The following SCUBE1 variants were observed in gnomAD, a reference collection of about 807,000 sequenced individuals.
SCUBE1 encodes the protein signal peptide, CUB and EGF-like domain-containing protein 1.
SCUBE1 carries 59 observed loss-of-function variants against 124.4 expected under a neutral mutation model. The ratio of observed to expected loss-of-function variants is 0.47; its 90% confidence interval spans 0.38 to 0.59. The LOEUF (loss-of-function observed/expected upper bound fraction) is 0.59, where lower values mean the gene tolerates loss of function less well. Ranked by LOEUF, SCUBE1 falls within the 20% of genes least tolerant of loss-of-function variation. The pLI is 0.00. For missense variants in SCUBE1, 1,150 were observed against 1,371.2 expected, an observed-to-expected ratio of 0.84 and a Z score of 2.55; for synonymous variants, 545 against 550.9, an observed-to-expected ratio of 0.99 and a Z score of 0.15.
chr22:43,339,839 A>G (rs58878727), intron 1 of SCUBE1, among the ~76,000 whole-genome samples: 5,925 of 12,858 alleles, frequency 0.46, 1,011 homozygotes, highest in Non-Finnish European at 0.49. Context: ...CACAAGCATC[A>G]CTCCAGCCCT....
chr22:43,212,999 C>T (rs114329790), intron 16 of SCUBE1, among the ~76,000 whole-genome samples: 2,648 of 152,204 alleles, frequency 0.017, 90 homozygotes, highest in African/African-American at 0.061. Flanking sequence ...TTCAGGGTGA[C>T]GCTGCCTGGT....
chr22:43,301,199 G>A (rs1338124773), intron 3 of SCUBE1, among the ~76,000 whole-genome samples: 1 of 152,154 alleles, frequency 6.6e-6, no homozygotes, highest in African/African-American at 2.4e-5. Context: ...CTCCAGGGCT[G>A]CCACGGCTGG....
chr22:43,278,553 C>G (rs553090155), intron 4 of SCUBE1, among the ~76,000 whole-genome samples: 1 of 152,324 alleles, frequency 6.6e-6, no homozygotes, highest in Admixed American at 6.5e-5. Context: ...AATCCCGTCC[C>G]AGGAGCCAAT....
intron 21 of SCUBE1, among the ~76,000 whole-genome samples, chr22:43,207,198 T>C (rs896575332): frequency 1.3e-5 from 2 of 152,182 alleles, no homozygotes; most frequent in African/African-American, 2.4e-5. Context: ...TAGATCCCAC[T>C]GATTCTGAGA....
At chr22:43,267,805 T>C (rs1924133032) in intron 4 of SCUBE1, among the ~76,000 whole-genome samples, 1 of 152,210 alleles carries the variant, frequency 6.6e-6, no homozygotes. Flanking sequence ...AGGGGCCATC[T>C]GAGGGCAGTG....
intron 7 of SCUBE1, among the ~76,000 whole-genome samples, chr22:43,235,219 T>C (rs532960768): frequency 1.4e-4 from 21 of 152,312 alleles, no homozygotes; most frequent in African/African-American, 3.8e-4. Context: ...CTTGGGCCAC[T>C]GAGTGGACTC....
rs573651614 is a variant in SCUBE1, at chr22:43,303,110, T to G, written c.350-11930A>C. ...CCCAGCATCCATTTCCCAGCCTCGG[T>G]ACCGTCGGAATTCTAACCTTCAGGG... On this transcript the variant is annotated intron_variant, in intron 3 of 21. Coordinates refer to ENST00000360835, the MANE Select transcript of SCUBE1 (RefSeq NM_173050.5). Among the ~76,000 whole-genome samples, 3 of 152,364 alleles carry G rather than the reference T, an allele frequency of 2.0e-5. No homozygotes were observed. The East Asian group carries it at 5.8e-4, about 29-fold the overall frequency.
chr22:43,290,968 T>G, intron 4 of SCUBE1, 78 bp downstream of exon 4: 2 of 1,441,822 alleles, frequency 1.4e-6, no homozygotes, highest in Middle Eastern at 2.5e-4. Context: ...GGCCCCAGAA[T>G]TGAGATGTGG....
At chr22:43,291,618 C>T (rs1034455227) in intron 3 of SCUBE1, among the ~76,000 whole-genome samples, 1 of 151,652 alleles carries the variant, frequency 6.6e-6, no homozygotes, top group African/African-American at 2.4e-5. Context: ...CGCTGCGCTA[C>T]AGTGGCATGG....
intron 6 of SCUBE1, among the ~76,000 whole-genome samples, chr22:43,257,593 C>T (rs925579480): frequency 2.6e-5 from 4 of 152,122 alleles, no homozygotes; most frequent in South Asian, 2.1e-4. Context: ...GCGGGAAGAG[C>T]GGACTTCAGG....
intron 6 of SCUBE1, among the ~76,000 whole-genome samples, chr22:43,249,088 T>C (rs73163970): frequency 0.11 from 16,482 of 151,768 alleles, 992 homozygotes; most frequent in South Asian, 0.17. Context: ...CTTTGTCAGG[T>C]AGAACCACCC....
Position 43,217,284 on chromosome 22 carries a change from G to C in SCUBE1, c.1891+971C>G, listed in dbSNP as rs1921870380. On this transcript the variant is annotated intron_variant, in intron 15 of 21. Transcript: ENST00000360835. ...CAACATCTCCATGTGGATGACTTGTGAGCGTCTCAGACTGAACATGTCCAG... is the reference window on the plus strand; with the variant it reads ...CAACATCTCCATGTGGATGACTTGTCAGCGTCTCAGACTGAACATGTCCAG... Among the ~76,000 whole-genome samples the C allele has an allele frequency of 3.3e-5, 5 of 151,752 alleles. No individual in the cohort carries two copies. The South Asian group carries it at 1.0e-3, about 32-fold the overall frequency.
intron 6 of SCUBE1, among the ~76,000 whole-genome samples, chr22:43,245,077 C>G (rs35785558): frequency 0.088 from 13,426 of 152,314 alleles, 640 homozygotes; most frequent in Admixed American, 0.16. Flanking sequence ...AAAAGCCACG[C>G]CGTGCTCCCT....
intron 4 of SCUBE1, among the ~76,000 whole-genome samples, chr22:43,263,935 C>T (rs1923968460): frequency 1.3e-5 from 2 of 152,206 alleles, no homozygotes; most frequent in African/African-American, 4.8e-5. Flanking sequence ...CACGGAAAGA[C>T]CCTTTCCGCT....
chr22:43,329,462 T>C (rs1360896631), intron 2 of SCUBE1, among the ~76,000 whole-genome samples: 1 of 152,238 alleles, frequency 6.6e-6, no homozygotes, highest in South Asian at 2.1e-4. Context: ...GCCCACAGAC[T>C]TGGCCCAGGC....
At chr22:43,328,586 AG>A (rs993908117) in intron 2 of SCUBE1, among the ~76,000 whole-genome samples, 1 of 152,170 alleles carries the variant, frequency 6.6e-6, no homozygotes, top group Non-Finnish European at 1.5e-5. Flanking sequence ...GGTGTAACTG[AG>A]GCCCAAAGAA....
chr22:43,229,874 T>C (rs898250103), intron 8 of SCUBE1, among the ~76,000 whole-genome samples: 10 of 151,896 alleles, frequency 6.6e-5, no homozygotes, highest in Non-Finnish European at 1.5e-4. Context: ...CCATAAATTC[T>C]GAGGAAAATG....
intron 3 of SCUBE1, among the ~76,000 whole-genome samples, chr22:43,299,588 C>T (rs1925691665): frequency 6.6e-6 from 1 of 152,130 alleles, no homozygotes; most frequent in South Asian, 2.1e-4. Flanking sequence ...ACTTTTGATG[C>T]TATGTTCGTG....
At chr22:43,290,447 CT>C (rs1286387605) in intron 4 of SCUBE1, among the ~76,000 whole-genome samples, 1 of 152,258 alleles carries the variant, frequency 6.6e-6, no homozygotes, top group African/African-American at 2.4e-5. Flanking sequence ...CCTTTGCCTG[CT>C]GGGCTTGGCT....
Sources: allele counts gnomAD v4.1 joint callset (sites outside exome capture counted in the v4.1 genomes callset), GRCh38; gene constraint gnomAD v4.1.1; transcripts MANE v1.5; gene names NCBI Gene and HGNC (gene_info 2026-07-23, HGNC 2026-07-21).